GLT1D1: variants seen among roughly 807,000 people sequenced by gnomAD.
GLT1D1 encodes the protein glycosyltransferase 1 domain containing 1, also known as glycosyltransferase 1 domain-containing protein 1.
A neutral mutation model predicts 28.7 loss-of-function variants in GLT1D1; 21 were observed. The observed-to-expected ratio is 0.73, with a 90% confidence interval of 0.52 to 1.05. GLT1D1 has a LOEUF of 1.05. GLT1D1 is among the 50% of genes least tolerant of loss of function. The pLI, the probability that GLT1D1 is intolerant of heterozygous loss-of-function variation, is 0.00. For synonymous variants in GLT1D1, 147 were observed against 124.8 expected, an observed-to-expected ratio of 1.18 and a Z score of -1.19; for missense variants, 343 against 330.6, an observed-to-expected ratio of 1.04 and a Z score of -0.29.
At chr12:128,909,740 G>GT (rs1871333664) in intron 4 of GLT1D1, among the ~76,000 whole-genome samples, 2 of 152,178 alleles carry the variant, frequency 1.3e-5, no homozygotes, top group African/African-American at 4.8e-5. Flanking sequence ...TAGTCCTTGG[G>GT]TCTGTTAGAA....
intron 7 of GLT1D1, among the ~76,000 whole-genome samples, chr12:128,958,099 T>C (rs1305112437): frequency 6.6e-6 from 1 of 152,232 alleles, no homozygotes; most frequent in Non-Finnish European, 1.5e-5. Flanking sequence ...GAAAGGGCCA[T>C]GTACCTGTCC....
rs1472756117 is a variant in GLT1D1, at chr12:128,926,455, G to C, written c.376-18871G>C. On this transcript the variant is annotated intron_variant, in intron 4 of 7. Transcript: ENST00000281703. Reference sequence around the variant, plus strand: ...CTCTATCTGGTGGACGCATTTTCAGGTGTGTTTGCTGGCTACCTTCCTCCA... The same window carrying C: ...CTCTATCTGGTGGACGCATTTTCAGCTGTGTTTGCTGGCTACCTTCCTCCA... The C allele has an allele frequency of 1.3e-6, 2 of 1,488,942 alleles. No homozygotes were observed. Among genetic ancestry groups the C allele is most frequent in the Non-Finnish European group, 1.8e-6 (2 of 1,104,886 alleles). The allele number at this position is 1,488,942 out of a possible 1,614,324, so 92.2% of individuals were successfully genotyped here.
chr12:128,947,569 TA>T, intron 6 of GLT1D1, 111 bp downstream of exon 10: 4 of 1,251,706 alleles, frequency 3.2e-6, no homozygotes, highest in Non-Finnish European at 2.3e-6. Context: ...TTCTCAAAGC[TA>T]AAAAGGCCAA....
chr12:128,945,933 T>C (rs115106341), intron 5 of GLT1D1, among the ~76,000 whole-genome samples: 1 of 152,268 alleles, frequency 6.6e-6, no homozygotes, highest in African/African-American at 2.4e-5. Context: ...AGTGGGGTGA[T>C]GGGAATGAGC....
chr12:128,929,543 T>C lies in GLT1D1; in HGVS notation c.376-15783T>C, dbSNP rs79061081. On this transcript the variant is annotated intron_variant, in intron 4 of 7. Transcript: ENST00000281703. Reference sequence around the variant, plus strand: ...TTGTCTGTTTTGTGGTTCTTTCTTATATAGTTTTTTGTAGTTCCCTAGGGA... The same window carrying C: ...TTGTCTGTTTTGTGGTTCTTTCTTACATAGTTTTTTGTAGTTCCCTAGGGA... 1.8e-3 allele frequency among the ~76,000 whole-genome samples: 271 copies of C among 152,304 alleles called. 7 individuals carry two copies. In the East Asian group the frequency reaches 0.042, roughly 23 times the overall value.
chr12:128,882,554 C>G (rs796175715), intron 2 of GLT1D1, among the ~76,000 whole-genome samples: 1 of 152,236 alleles, frequency 6.6e-6, no homozygotes, highest in African/African-American at 2.4e-5. Context: ...GCTGGGATTA[C>G]AGGTGTGAGC....
chr12:128,867,196 C>T (rs1956555031), intron 1 of GLT1D1, among the ~76,000 whole-genome samples: 1 of 151,092 alleles, frequency 6.6e-6, no homozygotes, highest in Admixed American at 6.6e-5. Flanking sequence ...GAGTTTGAGA[C>T]CAGCCTGAAC....
chr12:128,881,561 AATATATATATATATATATATAT>A (rs1174737837), intron 2 of GLT1D1, among the ~76,000 whole-genome samples: 1 of 33,730 alleles, frequency 3.0e-5, no homozygotes, highest in Non-Finnish European at 5.2e-5. Context: ...AAAAAAAAAA[AATATATATATATATATATATAT>A]ATATATATAT....
chr12:128,857,525 G>T (rs1956251529), intron 1 of GLT1D1, among the ~76,000 whole-genome samples: 2 of 152,064 alleles, frequency 1.3e-5, no homozygotes, highest in Admixed American at 1.3e-4. Context: ...TGAAAGCTTA[G>T]TCTCCTTGAG....
At chr12:128,877,270 C>T (rs1008990878) in intron 2 of GLT1D1, among the ~76,000 whole-genome samples, 1 of 152,166 alleles carries the variant, frequency 6.6e-6, no homozygotes, top group African/African-American at 2.4e-5. Context: ...ATTTGTGCTG[C>T]ACCATTTTAA....
chr12:128,941,905 CTTTTTTTTTTT>C (rs60663875), intron 4 of GLT1D1, among the ~76,000 whole-genome samples: 13 of 75,366 alleles, frequency 1.7e-4, no homozygotes, highest in African/African-American at 7.2e-4. Context: ...CTCTCTCTCT[CTTTTTTTTTTT>C]TTTTTTTTTT....
chr12:128,930,982 C>T (rs1478057008), intron 4 of GLT1D1, among the ~76,000 whole-genome samples: 1 of 151,424 alleles, frequency 6.6e-6, no homozygotes, highest in Non-Finnish European at 1.5e-5. Context: ...GGAGGAAATA[C>T]GTCTCTTCTA....
chr12:128,937,503 G>A (rs928973788), intron 4 of GLT1D1, among the ~76,000 whole-genome samples: 1 of 152,190 alleles, frequency 6.6e-6, no homozygotes, highest in Non-Finnish European at 1.5e-5. Context: ...TGATGGGAAA[G>A]TGTCTCAGAG....
At chr12:128,883,695 G>C (rs1254550601) in intron 2 of GLT1D1, among the ~76,000 whole-genome samples, 1 of 151,926 alleles carries the variant, frequency 6.6e-6, no homozygotes, top group African/African-American at 2.4e-5. Flanking sequence ...CACAAGTACT[G>C]ATTTAGGAAT....
At chr12:128,937,909 A>C (rs1207121195) in intron 4 of GLT1D1, among the ~76,000 whole-genome samples, 2 of 152,188 alleles carry the variant, frequency 1.3e-5, no homozygotes, top group African/African-American at 4.8e-5. Flanking sequence ...TTTGTAAATG[A>C]TGCAGTCTTG....
At chr12:128,854,749 G>A (rs773758766) in intron 1 of GLT1D1, among the ~76,000 whole-genome samples, 1 of 151,946 alleles carries the variant, frequency 6.6e-6, no homozygotes, top group East Asian at 1.9e-4. Context: ...CGCCTGCCTC[G>A]GCCTCCCACA....
intron 4 of GLT1D1, among the ~76,000 whole-genome samples, chr12:128,914,595 G>A (rs1871899158): frequency 6.6e-6 from 1 of 152,110 alleles, no homozygotes; most frequent in African/African-American, 2.4e-5. Flanking sequence ...TGAGGCGGGA[G>A]GATCACTTGA....
chr12:128,916,406 A>G (rs909327722), intron 4 of GLT1D1, among the ~76,000 whole-genome samples: 1 of 152,194 alleles, frequency 6.6e-6, no homozygotes, highest in Admixed American at 6.5e-5. Flanking sequence ...TAGCTTGACT[A>G]TATGATTAAC....
At chr12:128,907,397 C>T (rs1244863095) in intron 4 of GLT1D1, among the ~76,000 whole-genome samples, 1 of 151,656 alleles carries the variant, frequency 6.6e-6, no homozygotes, top group Non-Finnish European at 1.5e-5. Context: ...GCTCTGCCTC[C>T]CGGGTTCACG....
Sources: allele counts gnomAD v4.1 joint callset (sites outside exome capture counted in the v4.1 genomes callset), GRCh38; gene constraint gnomAD v4.1.1; transcripts MANE v1.5; gene names NCBI Gene and HGNC (gene_info 2026-07-23, HGNC 2026-07-21).